Variants in SPG11 observed in about 807,000 individuals in gnomAD.
SPG11 encodes spatacsin.
SPG11 carries 222 observed loss-of-function variants against 274.0 expected under a neutral mutation model. The observed-to-expected ratio is 0.81, with a 90% confidence interval of 0.73 to 0.91. The LOEUF is 0.91. Ranked by LOEUF, SPG11 falls within the 40% of genes least tolerant of loss-of-function variation. The probability of loss-of-function intolerance (pLI) is 0.00; values close to 1 mark genes in which losing one functional copy is unlikely to be tolerated. For synonymous variants in SPG11, 1,144 were observed against 1,039.7 expected (o/e 1.10, Z -1.93); for missense variants, 3,114 against 2,872.7 (o/e 1.08, Z -1.92).
At chr15:44,635,555 G>A (rs1398048838) in intron 7 of SPG11, among the ~76,000 whole-genome samples, 2 of 129,550 alleles carry the variant, frequency 1.5e-5, no homozygotes, top group Admixed American at 9.5e-5. Flanking sequence ...GCAGTGAGCT[G>A]TGATTGCGTC....
chr15:44,658,240 T>C (rs1340180797), intron 3 of SPG11, among the ~76,000 whole-genome samples: 2 of 152,190 alleles, frequency 1.3e-5, no homozygotes, highest in Non-Finnish European at 2.9e-5. Context: ...ATTATTTTAA[T>C]TCAGAAATTA....
In SPG11 at chr15:44,574,921, C is replaced by CA. The variant is rs312262775; in HGVS notation, c.5986dup (p.Cys1996LeufsTer4). On this transcript the variant is annotated frameshift_variant, in exon 31 of 40. Transcript: ENST00000261866. LOFTEE classifies it high-confidence loss of function. ...ACATACCTTGGCAAGATCATACAGA[C>CA]AGAGGACCTGTCGACAGTAGTTCTT... 12 of 1,613,926 alleles carry CA rather than the reference C, an allele frequency of 7.4e-6. No individual in the cohort carries two copies. Among genetic ancestry groups the CA allele is most frequent in the Non-Finnish European group, 3.4e-6 (4 of 1,180,034 alleles).
chr15:44,628,192 A>G (rs112157681), intron 10 of SPG11, among the ~76,000 whole-genome samples: 37 of 152,358 alleles, frequency 2.4e-4, no homozygotes, highest in African/African-American at 8.7e-4. Context: ...AAACAGATGG[A>G]AACAAATTTA....
At chr15:44,641,922 GAAAAAA>G (rs71111874) in intron 7 of SPG11, among the ~76,000 whole-genome samples, 1 of 55,918 alleles carries the variant, frequency 1.8e-5, no homozygotes, top group African/African-American at 6.0e-5. Context: ...CTGCTTAACA[GAAAAAA>G]AAAAAAAAAA....
chr15:44,648,046 C>T, intron 7 of SPG11, among the ~76,000 whole-genome samples: 1 of 152,176 alleles, frequency 6.6e-6, no homozygotes, highest in East Asian at 1.9e-4. Context: ...GTCACCCACT[C>T]AATCACTGAA....
At chr15:44,604,586 T>C (rs1387750254) in intron 20 of SPG11, among the ~76,000 whole-genome samples, 1 of 152,036 alleles carries the variant, frequency 6.6e-6, no homozygotes, top group Non-Finnish European at 1.5e-5. Flanking sequence ...GGTAAAACCA[T>C]AAGAAAAAAG....
intron 15 of SPG11, among the ~76,000 whole-genome samples, chr15:44,616,066 T>C (rs1595884605): frequency 6.6e-6 from 1 of 152,340 alleles, no homozygotes. Context: ...TACCTGTATA[T>C]GGAGTTTATA....
At chr15:44,564,273 A>T (rs1427350529) in intron 39 of SPG11, among the ~76,000 whole-genome samples, 1 of 152,194 alleles carries the variant, frequency 6.6e-6, no homozygotes, top group African/African-American at 2.4e-5. Flanking sequence ...GATTACAGGC[A>T]TGAGCCACTG....
intron 4 of SPG11, among the ~76,000 whole-genome samples, chr15:44,655,674 G>T (rs1381283609): frequency 1.3e-5 from 2 of 152,114 alleles, no homozygotes; most frequent in African/African-American, 2.4e-5. Flanking sequence ...TATGTTATCA[G>T]TAAGGTTTCT....
intron 14 of SPG11, chr15:44,621,544 TTAAC>T (rs1373891604): frequency 3.0e-5 from 16 of 530,390 alleles, no homozygotes; most frequent in Non-Finnish European, 4.7e-5. Flanking sequence ...GAAATCTCAA[TTAAC>T]TATTTTTTTC....
chr15:44,659,922 G>A (rs1452392774), intron 2 of SPG11, among the ~76,000 whole-genome samples: 2 of 152,176 alleles, frequency 1.3e-5, no homozygotes, highest in African/African-American at 4.8e-5. Flanking sequence ...TTAGCTGGGC[G>A]TGGCGGCGGG....
chr15:44,611,896 C>T (rs575574498), intron 17 of SPG11, among the ~76,000 whole-genome samples: 193 of 145,808 alleles, frequency 1.3e-3, no homozygotes, highest in Non-Finnish European at 2.3e-3. Context: ...AGCTCCACCT[C>T]CCCAGTTTAT....
intron 19 of SPG11, among the ~76,000 whole-genome samples, chr15:44,607,489 C>G (rs1294016672): frequency 5.3e-5 from 8 of 152,134 alleles, no homozygotes; most frequent in Admixed American, 3.9e-4. Context: ...ACTATGTTGG[C>G]TAGGTCTTGA....
chr15:44,564,413 T>A, intron 39 of SPG11, 134 bp downstream of exon 39: 1 of 821,488 alleles, frequency 1.2e-6, no homozygotes, highest in Non-Finnish European at 2.0e-6. Flanking sequence ...CTTCTAAGGA[T>A]TCTTGATACT....
At chr15:44,586,820 C>T (rs998975563) in intron 28 of SPG11, among the ~76,000 whole-genome samples, 2 of 152,152 alleles carry the variant, frequency 1.3e-5, no homozygotes, top group African/African-American at 4.8e-5. Flanking sequence ...TCAAATTTGT[C>T]TGATTTAGTG....
At chr15:44,630,237 C>A (rs1190551287) in intron 8 of SPG11, among the ~76,000 whole-genome samples, 1 of 152,102 alleles carries the variant, frequency 6.6e-6, no homozygotes, top group African/African-American at 2.4e-5. Context: ...CCTCCCGCTG[C>A]CCCCCGTGGA....
intron 6 of SPG11, among the ~76,000 whole-genome samples, chr15:44,649,788 G>A (rs191452000): frequency 6.6e-6 from 1 of 151,724 alleles, no homozygotes; most frequent in Admixed American, 6.6e-5. Flanking sequence ...CCAGCTACTC[G>A]GGAGGGTGAG....
intron 30 of SPG11, among the ~76,000 whole-genome samples, chr15:44,578,431 TAGG>T (rs2082591172): frequency 6.6e-6 from 1 of 151,896 alleles, no homozygotes; most frequent in Admixed American, 6.6e-5. Context: ...GCCCTGGGTG[TAGG>T]AATAGTCAGG....
At chr15:44,612,370 T>C (rs1409517180) in intron 17 of SPG11, among the ~76,000 whole-genome samples, 1 of 152,182 alleles carries the variant, frequency 6.6e-6, no homozygotes, top group Admixed American at 6.5e-5. Context: ...TATTTTCCTA[T>C]GTACCTAGGC....
Sources: gnomAD v4.1 joint callset for allele counts (sites outside exome capture counted in the v4.1 genomes callset) on GRCh38, gnomAD v4.1.1 for gene constraint, MANE v1.5 for transcripts, NCBI Gene and HGNC (gene_info 2026-07-23, HGNC 2026-07-21) for gene names.